The following IL1RAP variants were observed in gnomAD, a reference collection of about 807,000 sequenced individuals.
IL1RAP encodes the protein interleukin-1 receptor accessory protein.
IL1RAP carries 35 observed loss-of-function variants against 60.7 expected under a neutral mutation model. The observed-to-expected ratio is 0.58, with a 90% CI of 0.44 to 0.76. The LOEUF (loss-of-function observed/expected upper bound fraction) is 0.76, where lower values mean the gene tolerates loss of function less well. Ranked by LOEUF, IL1RAP falls within the 30% of genes least tolerant of loss-of-function variation. The pLI is 0.00. For missense variants in IL1RAP, 572 were observed against 693.9 expected (o/e 0.82, Z 1.97); for synonymous variants, 268 against 250.9 (o/e 1.07, Z -0.64).
intron 9 of IL1RAP, among the ~76,000 whole-genome samples, chr3:190,641,069 G>A (rs980708839): frequency 3.9e-5 from 6 of 152,070 alleles, no homozygotes; most frequent in Admixed American, 1.3e-4. Context: ...AGGTTCAAGC[G>A]ATTCTCCTGC....
intron 1 of IL1RAP, among the ~76,000 whole-genome samples, chr3:190,550,679 T>C (rs1724787835): frequency 6.6e-6 from 1 of 152,216 alleles, no homozygotes; most frequent in Non-Finnish European, 1.5e-5. Flanking sequence ...GATCCAGATT[T>C]CTACATTACC....
chr3:190,594,441 A>C (rs957791388), intron 3 of IL1RAP, among the ~76,000 whole-genome samples: 2 of 152,220 alleles, frequency 1.3e-5, no homozygotes, highest in Non-Finnish European at 2.9e-5. Flanking sequence ...GCCAGCTATC[A>C]TATCTATCTA....
chr3:190,624,101 T>C (rs1732024065), intron 7 of IL1RAP, among the ~76,000 whole-genome samples: 1 of 152,054 alleles, frequency 6.6e-6, no homozygotes, highest in Non-Finnish European at 1.5e-5. Context: ...ACAAAGACAA[T>C]AGCTCTCCAA....
chr3:190,654,067 CA>C (rs1434071464), downstream of IL1RAP, among the ~76,000 whole-genome samples: 17 of 152,218 alleles, frequency 1.1e-4, no homozygotes, highest in East Asian at 1.5e-3. Context: ...TAAAGAGCAA[CA>C]GACTCAAAAG....
intron 9 of IL1RAP, among the ~76,000 whole-genome samples, chr3:190,633,546 G>A (rs1403224316): frequency 2.0e-5 from 3 of 151,912 alleles, no homozygotes; most frequent in Admixed American, 1.3e-4. Context: ...TAGTAGAGAC[G>A]GGGTTTCTCC....
chr3:190,625,766 T>G (rs573307321), intron 7 of IL1RAP, among the ~76,000 whole-genome samples: 39 of 152,300 alleles, frequency 2.6e-4, no homozygotes, highest in African/African-American at 9.4e-4. Flanking sequence ...AGAGGCTGAA[T>G]TTCCTAGAAT....
intron 1 of IL1RAP, among the ~76,000 whole-genome samples, chr3:190,526,897 TGCCCTCAGCAGG>T (rs1351131983): frequency 6.6e-6 from 1 of 152,262 alleles, no homozygotes; most frequent in African/African-American, 2.4e-5. Flanking sequence ...CCTGGCATCC[TGCCCTCAGCAGG>T]GCATGCAGTG....
intron 1 of IL1RAP, among the ~76,000 whole-genome samples, chr3:190,530,978 G>A (rs1722938594): frequency 6.6e-6 from 1 of 152,122 alleles, no homozygotes; most frequent in Non-Finnish European, 1.5e-5. Context: ...AGAGCTCATT[G>A]GTGTTCTATA....
intron 8 of IL1RAP, 78 bp from the exon 9 acceptor site, chr3:190,629,272 T>C (rs924929877): frequency 9.4e-7 from 1 of 1,061,618 alleles, no homozygotes; most frequent in Non-Finnish European, 1.4e-6. Context: ...CTGTGGTTGC[T>C]TACTTGTCTG....
downstream of IL1RAP, chr3:190,655,782 A>AGCACTGAGAT: frequency 1.3e-6 from 1 of 788,100 alleles, no homozygotes; most frequent in Non-Finnish European, 2.0e-6. Flanking sequence ...AGATTCTGTC[A>AGCACTGAGAT]TCTCAAGTGT....
intron 1 of IL1RAP, chr3:190,518,882 T>G (rs1036173275): frequency 1.3e-5 from 2 of 152,256 alleles, no homozygotes; most frequent in African/African-American, 4.8e-5. Context: ...CAAGATGAGA[T>G]TTGGGTGGGG....
downstream of IL1RAP, chr3:190,655,749 A>C: frequency 1.8e-6 from 1 of 565,822 alleles, no homozygotes; most frequent in Non-Finnish European, 2.9e-6. Flanking sequence ...GATTTTTTTG[A>C]CTGGGTAAAT....
chr3:190,574,472 T>C (rs1414216712), intron 3 of IL1RAP, among the ~76,000 whole-genome samples: 2 of 152,196 alleles, frequency 1.3e-5, no homozygotes, highest in African/African-American at 4.8e-5. Flanking sequence ...ATTATTCATA[T>C]GGCTTCCCCT....
chr3:190,654,906 G>A (rs1004733224), downstream of IL1RAP, among the ~76,000 whole-genome samples: 8 of 152,112 alleles, frequency 5.3e-5, no homozygotes, highest in African/African-American at 1.9e-4. Flanking sequence ...TTTCCCTTGG[G>A]ATCTGTCCAA....
chr3:190,598,364 G>T (rs1729565327), intron 3 of IL1RAP, among the ~76,000 whole-genome samples: 1 of 151,418 alleles, frequency 6.6e-6, no homozygotes, highest in South Asian at 2.1e-4. Flanking sequence ...TGAAATGACT[G>T]TCAAGCCAAT....
At chr3:190,568,662 T>C (rs1726635781) in intron 3 of IL1RAP, among the ~76,000 whole-genome samples, 1 of 152,206 alleles carries the variant, frequency 6.6e-6, no homozygotes, top group South Asian at 2.1e-4. Context: ...CATTGCATCC[T>C]TATTTATAAA....
rs1185583191 is a variant in IL1RAP at position 190,633,757 on chromosome 3, G to A, written c.1051+4259G>A. ...TGATCTTGACCTTTTGAACTTTAGG[G>A]TGGGGTTTGTTTGTTTAGTTTGTTA... On this transcript the variant is annotated intron_variant, in intron 9 of 11. Transcript: ENST00000447382. 4.6e-5 allele frequency among the ~76,000 whole-genome samples: 7 copies of A among 152,242 alleles called. No individual in the cohort carries two copies. In the East Asian group the frequency reaches 1.3e-3, roughly 29 times the overall value.
chr3:190,601,147 G>A (rs1729826073), intron 3 of IL1RAP, among the ~76,000 whole-genome samples: 1 of 152,014 alleles, frequency 6.6e-6, no homozygotes, highest in Admixed American at 6.6e-5. Flanking sequence ...ACCATGCCTG[G>A]CTAATTTTTG....
At chr3:190,549,707 C>A (rs1724696436) in intron 1 of IL1RAP, among the ~76,000 whole-genome samples, 1 of 149,072 alleles carries the variant, frequency 6.7e-6, no homozygotes, top group African/African-American at 2.4e-5. Flanking sequence ...TTGCCTTCTC[C>A]CGAGCCCAAT....
Sources: allele counts gnomAD v4.1 joint callset (sites outside exome capture counted in the v4.1 genomes callset), GRCh38; gene constraint gnomAD v4.1.1; transcripts MANE v1.5; gene names NCBI Gene and HGNC (gene_info 2026-07-23, HGNC 2026-07-21).